MAD1L1: variants seen among roughly 807,000 people sequenced by gnomAD.
MAD1L1 encodes the protein mitotic spindle assembly checkpoint protein MAD1.
Under a neutral mutation model 96.9 loss-of-function variants are expected in MAD1L1, and 95 were observed. The observed-to-expected ratio is 0.98, with a 90% CI of 0.83 to 1.16. The LOEUF is 1.16. Ranked by LOEUF, MAD1L1 falls within the 50% of genes most tolerant of loss-of-function variation. The pLI, the probability that MAD1L1 is intolerant of heterozygous loss-of-function variation, is 0.00. For synonymous variants in MAD1L1, 473 were observed against 396.6 expected (o/e 1.19, Z -2.29); for missense variants, 1,007 against 954.4 (o/e 1.06, Z -0.73).
At chr7:2,118,164 A>G (rs1787804747) in intron 11 of MAD1L1, among the ~76,000 whole-genome samples, 1 of 152,136 alleles carries the variant, frequency 6.6e-6, no homozygotes, top group South Asian at 2.1e-4. Context: ...CCTGACCACA[A>G]TGCCGGACGC....
At position 2,114,179 on chromosome 7, in the gene MAD1L1, T is replaced by C. The variant is rs1324173457; in HGVS notation, c.1073+34973A>G. Among the ~76,000 whole-genome samples, 2 of 152,234 alleles carry C rather than the reference T, an allele frequency of 1.3e-5. No homozygotes were observed. The highest frequency in any genetic ancestry group is 2.4e-5 in the African/African-American group (1 of 41,466). On this transcript the variant is annotated intron_variant, in intron 11 of 18. Transcript: ENST00000265854. The surrounding 1 kb of genome is among the most constrained non-coding windows in gnomAD (Gnocchi z 4.2). The stretch of plus-strand genomic sequence containing the variant: ...GACTTCTGCAACTTTCCTGTCAGTG[T>C]AACATTATGTCAAAATGAAAAGTTC...
intron 11 of MAD1L1, among the ~76,000 whole-genome samples, chr7:2,073,153 C>A (rs757005850): frequency 2.0e-5 from 3 of 152,220 alleles, no homozygotes; most frequent in Non-Finnish European, 4.4e-5. Flanking sequence ...AAGCCCGGCC[C>A]TCGGCCTGTA....
chr7:1,865,276 G>A (rs994899393), intron 18 of MAD1L1, among the ~76,000 whole-genome samples: 3 of 152,042 alleles, frequency 2.0e-5, no homozygotes, highest in Non-Finnish European at 4.4e-5. Context: ...GGGGAAAGAA[G>A]GGCCAGAGAG....
chr7:1,917,153 G>C (rs1299838519), intron 17 of MAD1L1, among the ~76,000 whole-genome samples: 1 of 152,234 alleles, frequency 6.6e-6, no homozygotes, highest in Non-Finnish European at 1.5e-5. Context: ...CGAGCGTCCA[G>C]GCGATGCTCA....
chr7:1,877,615 G>A (rs1785451234), intron 18 of MAD1L1, among the ~76,000 whole-genome samples: 1 of 152,070 alleles, frequency 6.6e-6, no homozygotes, highest in Admixed American at 6.5e-5. Flanking sequence ...AAAAAAGCAA[G>A]ATTCAATTAG....
chr7:1,859,191 G>A (rs889991528), intron 18 of MAD1L1, among the ~76,000 whole-genome samples: 14 of 152,222 alleles, frequency 9.2e-5, no homozygotes, highest in Non-Finnish European at 1.9e-4. Context: ...TCCCCAGCCT[G>A]CCTCCCCCTG....
intron 12 of MAD1L1, among the ~76,000 whole-genome samples, chr7:2,059,281 C>T (rs1784527060): frequency 9.2e-6 from 1 of 109,142 alleles, no homozygotes; most frequent in African/African-American, 3.7e-5. Context: ...AGAAGCAGGG[C>T]TGGAGAGGGA....
intron 17 of MAD1L1, among the ~76,000 whole-genome samples, chr7:1,909,768 A>G (rs1256863324): frequency 6.6e-6 from 1 of 152,222 alleles, no homozygotes; most frequent in African/African-American, 2.4e-5. Flanking sequence ...TGCTGCCCCA[A>G]GAAGATGGTC....
At chr7:2,083,258 T>C (rs1425317075) in intron 11 of MAD1L1, among the ~76,000 whole-genome samples, 1 of 152,242 alleles carries the variant, frequency 6.6e-6, no homozygotes, top group African/African-American at 2.4e-5. Flanking sequence ...CGCCCATCAC[T>C]GAGTCACCCG....
rs566221021 is a variant in MAD1L1, at chr7:1,924,093, C to T, written c.1807+12594G>A. 5.8e-4 allele frequency among the ~76,000 whole-genome samples: 89 copies of T among 152,224 alleles called. 2 individuals carry two copies. Among genetic ancestry groups the T allele is most frequent in the Non-Finnish European group, 5.9e-5 (4 of 68,036 alleles). On this transcript the variant is annotated intron_variant, in intron 17 of 18. Transcript: ENST00000265854. ...AAACAGAAACCTGCCAGGGAAAACA[C>T]GACCAACAGGCGCCAAGATGACGGA... is the stretch of plus-strand genomic sequence containing the variant.
Position 2,048,200 on chromosome 7 carries a change from C to T in MAD1L1, c.1218+20994G>A, listed in dbSNP as rs143401590. Among the ~76,000 whole-genome samples the T allele has an allele frequency of 2.5e-3, 376 of 152,340 alleles. 3 individuals carry two copies. In the South Asian group the frequency reaches 0.028, roughly 11 times the overall value. ...CCGGGTGCACGCATGTGCACACTGA[C>T]GCACACGCGTGCTCTCAGACACCAT... On this transcript the variant is annotated intron_variant, in intron 12 of 18. Transcript: ENST00000265854.
rs769762330 is a variant in MAD1L1, at chr7:2,219,373, C to G, written c.555G>C (p.Ser185=). The G allele has an allele frequency of 1.9e-6, 3 of 1,604,316 alleles. No homozygotes were observed. In the South Asian group the frequency reaches 3.4e-5, roughly 18 times the overall value. Residue 185 remains serine (S), a synonymous_variant, in exon 6 of 19, where the codon TCG becomes TCC. Coordinates refer to ENST00000265854, the MANE Select transcript of MAD1L1 (RefSeq NM_001013836.2). ...DQEMRVKRLE[S]EKQELQEQLD... is the part of the protein sequence containing the mutation. ...GCTGCTCCTGCAGCTCCTGCTTCTC[C>G]GACTCCAGGCGCTTCACCCGCATCT...
chr7:1,924,104 C>T (rs556742925), intron 17 of MAD1L1, among the ~76,000 whole-genome samples: 13 of 152,206 alleles, frequency 8.5e-5, no homozygotes, highest in Non-Finnish European at 1.6e-4. Flanking sequence ...GACCAACAGG[C>T]GCCAAGATGA....
intron 17 of MAD1L1, among the ~76,000 whole-genome samples, chr7:1,929,466 G>A (rs537292226): frequency 2.0e-5 from 3 of 152,282 alleles, no homozygotes; most frequent in African/African-American, 4.8e-5. Context: ...GCTCCTATCC[G>A]CCAAGGGCCC....
chr7:1,869,216 A>G (rs1785225565), intron 18 of MAD1L1, among the ~76,000 whole-genome samples: 1 of 152,122 alleles, frequency 6.6e-6, no homozygotes, highest in Non-Finnish European at 1.5e-5. Context: ...GGGGCCACAG[A>G]GGCCCGGGGG....
intron 17 of MAD1L1, 150 bp from the exon 18 acceptor site, chr7:1,898,540 C>T: frequency 1.6e-6 from 1 of 642,282 alleles, no homozygotes. Context: ...ACCAGCCAGC[C>T]TCCATCGGCA....
chr7:2,034,009 T>A (rs754554762), intron 12 of MAD1L1, among the ~76,000 whole-genome samples: 9 of 152,018 alleles, frequency 5.9e-5, no homozygotes, highest in African/African-American at 7.2e-5. Flanking sequence ...GGCAGGAGGA[T>A]ATATTGAGCC....
chr7:2,019,325 G>A (rs1358192301), intron 12 of MAD1L1, among the ~76,000 whole-genome samples: 1 of 152,200 alleles, frequency 6.6e-6, no homozygotes, highest in Non-Finnish European at 1.5e-5. Flanking sequence ...TTTCCCAAAT[G>A]AGCAGGACTC....
intron 12 of MAD1L1, among the ~76,000 whole-genome samples, chr7:2,046,360 G>A (rs553610628): frequency 1.3e-5 from 2 of 152,274 alleles, no homozygotes; most frequent in South Asian, 2.1e-4. Context: ...GCCGTCCAGC[G>A]AGCTAGGAAA....
Sources: allele counts gnomAD v4.1 joint callset (sites outside exome capture counted in the v4.1 genomes callset), GRCh38; gene constraint gnomAD v4.1.1; non-coding constraint Gnocchi (gnomAD v3.1); transcripts MANE v1.5; gene names NCBI Gene and HGNC (gene_info 2026-07-23, HGNC 2026-07-21).